Variants in SLC35G2 observed in about 807,000 individuals in gnomAD.
SLC35G2 encodes the protein transmembrane protein 22.
SLC35G2 carries 20 observed loss-of-function variants against 27.2 expected under a neutral mutation model. The observed-to-expected ratio is 0.74, with a 90% CI of 0.52 to 1.07. The LOEUF (loss-of-function observed/expected upper bound fraction) is 1.07, where lower values mean the gene tolerates loss of function less well. Ranked by LOEUF, SLC35G2 falls within the 50% of genes least tolerant of loss-of-function variation. SLC35G2 has a pLI of 0.00. For missense variants in SLC35G2, 416 were observed against 493.3 expected (o/e 0.84, Z 1.48); for synonymous variants, 148 against 165.3 (o/e 0.90, Z 0.80).
intron 1 of SLC35G2, among the ~76,000 whole-genome samples, chr3:136,853,701 G>A (rs764292318): frequency 1.1e-4 from 17 of 151,970 alleles, no homozygotes; most frequent in Non-Finnish European, 2.1e-4. Flanking sequence ...ATATAAATAC[G>A]TATTCTTATT....
chr3:136,831,803 T>C (rs1384191857), intron 1 of SLC35G2, among the ~76,000 whole-genome samples: 1 of 151,978 alleles, frequency 6.6e-6, no homozygotes, highest in East Asian at 1.9e-4. Context: ...TTCGTTTAAG[T>C]TTTTTGAAAA....
intron 1 of SLC35G2, among the ~76,000 whole-genome samples, chr3:136,832,889 A>ATGT (rs1936765763): frequency 6.6e-6 from 1 of 152,110 alleles, no homozygotes; most frequent in Non-Finnish European, 1.5e-5. Flanking sequence ...TAACATGGGG[A>ATGT]AACCCCGTCT....
intron 1 of SLC35G2, among the ~76,000 whole-genome samples, chr3:136,845,895 T>TAA (rs75968132): frequency 7.3e-5 from 10 of 137,140 alleles, no homozygotes; most frequent in African/African-American, 1.6e-4. Context: ...CACCCGGCCG[T>TAA]AAAAAAAAAA....
intron 1 of SLC35G2, among the ~76,000 whole-genome samples, chr3:136,853,214 G>C (rs1053975927): frequency 4.6e-5 from 7 of 152,094 alleles, no homozygotes; most frequent in Non-Finnish European, 8.8e-5. Flanking sequence ...TCATGCCTCA[G>C]CCTCCCGAGT....
At chr3:136,845,659 G>A (rs1047303509) in intron 1 of SLC35G2, among the ~76,000 whole-genome samples, 11 of 151,172 alleles carry the variant, frequency 7.3e-5, no homozygotes, top group African/African-American at 2.7e-4. Flanking sequence ...TCAGTGGCGC[G>A]ATCTCGGCTC....
chr3:136,833,739 T>G (rs1359400458), intron 1 of SLC35G2, among the ~76,000 whole-genome samples: 2 of 152,148 alleles, frequency 1.3e-5, no homozygotes, highest in Non-Finnish European at 2.9e-5. Flanking sequence ...ACTCACCTCC[T>G]GTTGTGTGGC....
At chr3:136,845,247 T>A (rs138200099) in intron 1 of SLC35G2, among the ~76,000 whole-genome samples, 8 of 152,366 alleles carry the variant, frequency 5.3e-5, no homozygotes, top group African/African-American at 1.4e-4. Context: ...GAACATATAT[T>A]GCTTTTGTAA....
chr3:136,848,027 A>G (rs1394091423), intron 1 of SLC35G2, among the ~76,000 whole-genome samples: 1 of 152,196 alleles, frequency 6.6e-6, no homozygotes. Flanking sequence ...GAACCCCATG[A>G]GCACAGGATA....
At chr3:136,821,542 G>A (rs992332991) in intron 1 of SLC35G2, among the ~76,000 whole-genome samples, 1 of 152,138 alleles carries the variant, frequency 6.6e-6, no homozygotes, top group African/African-American at 2.4e-5. Context: ...TGCCTCCCGG[G>A]TTCAAGGGAT....
At chr3:136,831,265 C>T (rs1471796271) in intron 1 of SLC35G2, among the ~76,000 whole-genome samples, 1 of 152,136 alleles carries the variant, frequency 6.6e-6, no homozygotes, top group Admixed American at 6.6e-5. Flanking sequence ...AGTTAGGTTG[C>T]AGAATTGTGA....
chr3:136,849,037 G>A (rs1937516224), intron 1 of SLC35G2, among the ~76,000 whole-genome samples: 1 of 152,018 alleles, frequency 6.6e-6, no homozygotes, highest in African/African-American at 2.4e-5. Flanking sequence ...AAATTAGCCG[G>A]GCGTGGTGGC....
chr3:136,822,978 C>T (rs977940757), intron 1 of SLC35G2, among the ~76,000 whole-genome samples: 1 of 152,146 alleles, frequency 6.6e-6, no homozygotes, highest in Non-Finnish European at 1.5e-5. Context: ...TTTTTTGAGG[C>T]ACCTCCAAAC....
At chr3:136,830,897 T>G (rs756942281) in intron 1 of SLC35G2, among the ~76,000 whole-genome samples, 19 of 152,220 alleles carry the variant, frequency 1.2e-4, no homozygotes, top group Admixed American at 3.9e-4. Flanking sequence ...TAGTTATAAT[T>G]ATATGTGAAC....
chr3:136,827,141 T>G (rs1936606836), intron 1 of SLC35G2, among the ~76,000 whole-genome samples: 2 of 151,404 alleles, frequency 1.3e-5, no homozygotes, highest in Non-Finnish European at 2.9e-5. Flanking sequence ...TTTGTTTGAG[T>G]GACCTTATGT....
chr3:136,831,157 A>G (rs1467819596), intron 1 of SLC35G2, among the ~76,000 whole-genome samples: 1 of 152,208 alleles, frequency 6.6e-6, no homozygotes, highest in Non-Finnish European at 1.5e-5. Flanking sequence ...AAGACCCTGA[A>G]AAATGAATGA....
intron 1 of SLC35G2, among the ~76,000 whole-genome samples, chr3:136,839,448 A>G (rs1288354486): frequency 3.3e-5 from 5 of 152,062 alleles, no homozygotes; most frequent in African/African-American, 1.2e-4. Context: ...TTTTTTTTCA[A>G]CCTCAGTTAA....
intron 1 of SLC35G2, among the ~76,000 whole-genome samples, chr3:136,850,703 A>T (rs778828365): frequency 1.1e-4 from 16 of 152,120 alleles, no homozygotes; most frequent in South Asian, 2.1e-4. Context: ...TAAAAAAAAA[A>T]AATAATGCAG....
intron 1 of SLC35G2, chr3:136,838,246 C>CATATATATATATATATATATATAT (rs6148084): frequency 4.3e-5 from 6 of 140,990 alleles, no homozygotes; most frequent in African/African-American, 1.3e-4. Context: ...GTAGCATATA[C>CATATATATATATATATATATATAT]ATATATATAT....
rs1938002136 is a variant in SLC35G2 at position 136,855,859 on chromosome 3, A to G, written c.*160A>G. ...ATTTATTCTAGTCTAATATATTCAA[A>G]TACAAATATTAAATATATGAAATAC... On this transcript the variant is annotated 3_prime_UTR_variant, in exon 2 of 2. Coordinates refer to ENST00000446465, the MANE Select transcript of SLC35G2 (RefSeq NM_025246.3). 1.8e-6 allele frequency: 1 copy of G among 552,258 alleles called. No individual in the cohort carries two copies. Among genetic ancestry groups the G allele is most frequent in the African/African-American group, 1.9e-5 (1 of 52,048 alleles). The allele number at this position is 552,258 out of a possible 1,614,324, so 34.2% of individuals were successfully genotyped here. A position where few individuals can be genotyped will look rare whatever the true frequency, so the allele number is the denominator to read the frequency against.
Sources: allele counts gnomAD v4.1 joint callset (sites outside exome capture counted in the v4.1 genomes callset), GRCh38; gene constraint gnomAD v4.1.1; transcripts MANE v1.5; gene names NCBI Gene and HGNC (gene_info 2026-07-23, HGNC 2026-07-21).